The following CNIH3 variants were observed in gnomAD, a reference collection of about 807,000 sequenced individuals.
The protein encoded by CNIH3 is cornichon family AMPA receptor auxiliary protein 3.
CNIH3 carries 14 observed loss-of-function variants against 24.1 expected under a neutral mutation model. That is an observed-to-expected ratio of 0.58 (90% CI 0.38 to 0.91). The LOEUF is 0.91. Among genes scored for constraint, CNIH3 ranks in the 40% least tolerant of loss-of-function variants. CNIH3 has a pLI of 0.00. For synonymous variants in CNIH3, 68 were observed against 73.8 expected (o/e 0.92, Z 0.40); for missense variants, 178 against 196.8 (o/e 0.90, Z 0.57).
intron 3 of CNIH3, among the ~76,000 whole-genome samples, chr1:224,555,837 C>T (rs73133345): frequency 0.06 from 9,107 of 152,208 alleles, 927 homozygotes; most frequent in African/African-American, 0.21. Context: ...TTCCGCACTG[C>T]GGCTGTGGGA....
intron 3 of CNIH3, among the ~76,000 whole-genome samples, chr1:224,609,794 G>A (rs181319403): frequency 6.6e-6 from 1 of 152,264 alleles, no homozygotes; most frequent in African/African-American, 2.4e-5. Context: ...TTTACGCTTT[G>A]ACCATTTCTC....
At chr1:224,674,619 C>T (rs1686045962) in intron 1 of CNIH3, among the ~76,000 whole-genome samples, 1 of 152,018 alleles carries the variant, frequency 6.6e-6, no homozygotes, top group Non-Finnish European at 1.5e-5. Context: ...GTTGGGGGAA[C>T]AGGGAGGGGC....
intron 1 of CNIH3, among the ~76,000 whole-genome samples, chr1:224,499,368 C>T (rs138789149): frequency 0.011 from 1,622 of 152,244 alleles, 15 homozygotes; most frequent in Non-Finnish European, 0.016. Context: ...CTTTCTTACT[C>T]TTCCCCACTC....
At chr1:224,450,274 C>T (rs1015093872) in intron 1 of CNIH3, among the ~76,000 whole-genome samples, 1 of 152,050 alleles carries the variant, frequency 6.6e-6, no homozygotes, top group Non-Finnish European at 1.5e-5. Flanking sequence ...AATAAATAAA[C>T]AGGAAATGCA....
intron 1 of CNIH3, among the ~76,000 whole-genome samples, chr1:224,465,230 C>T (rs1303987023): frequency 1.3e-5 from 2 of 152,190 alleles, no homozygotes; most frequent in Non-Finnish European, 2.9e-5. Flanking sequence ...CTGCCTCAGC[C>T]TCCCAGGTAG....
At chr1:224,701,321 T>A (rs1687477727) in intron 3 of CNIH3, among the ~76,000 whole-genome samples, 1 of 151,956 alleles carries the variant, frequency 6.6e-6, no homozygotes, top group Non-Finnish European at 1.5e-5. Context: ...CACAAATGTA[T>A]CTCTCACAGC....
At chr1:224,446,555 C>T (rs918318000) in intron 1 of CNIH3, among the ~76,000 whole-genome samples, 2 of 152,040 alleles carry the variant, frequency 1.3e-5, no homozygotes, top group Admixed American at 6.6e-5. Context: ...TCATTTTTCT[C>T]TTCCTGTCCT....
At chr1:224,695,949 C>T (rs1687156233) in intron 3 of CNIH3, among the ~76,000 whole-genome samples, 1 of 152,180 alleles carries the variant, frequency 6.6e-6, no homozygotes, top group South Asian at 2.1e-4. Flanking sequence ...CTTCTCCTCT[C>T]ATTAATGTAA....
In CNIH3 at chr1:224,617,120, C is replaced by A; in HGVS notation, c.-55C>A. The A allele has an allele frequency of 6.2e-7, 1 of 1,602,782 alleles. No homozygotes were observed. Reference sequence around the variant, plus strand: ...GAGGGAGTGCGGTCCTCTAGGGAGGCATCGGGCTCCTAGGGGCTTCTTGGC... The same window carrying A: ...GAGGGAGTGCGGTCCTCTAGGGAGGAATCGGGCTCCTAGGGGCTTCTTGGC... On this transcript the variant is annotated 5_prime_UTR_variant, in exon 1 of 6. Coordinates refer to ENST00000272133, the MANE Select transcript of CNIH3 (RefSeq NM_152495.2).
Position 224,604,517 on chromosome 1 carries a change from G to A in CNIH3, n.402+38253G>A, listed in dbSNP as rs1386702879. On this transcript the variant is annotated intron_variant and non_coding_transcript_variant, in intron 3 of 7. Transcript: ENST00000478120. This position sits in a 1 kb window ranked among gnomAD's most constrained non-coding sequence, Gnocchi z 4.4. Reference sequence around the variant, plus strand: ...GAGCCTCTGAAGAAGGGACCCCTACGCCGCTTTGTGCCAGTGACTTGTGGA... The same window carrying A: ...GAGCCTCTGAAGAAGGGACCCCTACACCGCTTTGTGCCAGTGACTTGTGGA... 2.6e-5 allele frequency among the ~76,000 whole-genome samples: 4 copies of A among 152,156 alleles called. No individual in the cohort carries two copies. Among genetic ancestry groups the A allele is most frequent in the South Asian group, 2.1e-4 (1 of 4,828 alleles).
At chr1:224,669,167 A>G (rs932043450) in intron 1 of CNIH3, among the ~76,000 whole-genome samples, 1 of 152,132 alleles carries the variant, frequency 6.6e-6, no homozygotes, top group Non-Finnish European at 1.5e-5. Flanking sequence ...AGCTGGGGCT[A>G]GGTCTGCCTG....
At chr1:224,509,216 G>A (rs914989972) in intron 1 of CNIH3, among the ~76,000 whole-genome samples, 2 of 152,240 alleles carry the variant, frequency 1.3e-5, no homozygotes, top group Non-Finnish European at 2.9e-5. Context: ...CCAGCTACTC[G>A]GGAGGCTGAG....
At chr1:224,539,805 G>T (rs1679442310), downstream of CNIH3, among the ~76,000 whole-genome samples, 1 of 152,034 alleles carries the variant, frequency 6.6e-6, no homozygotes, top group Admixed American at 6.6e-5. Flanking sequence ...TCTGTATTTT[G>T]AACTTTGTCT....
intron 3 of CNIH3, among the ~76,000 whole-genome samples, chr1:224,711,800 A>G (rs1221316841): frequency 6.6e-6 from 1 of 150,706 alleles, no homozygotes; most frequent in African/African-American, 2.4e-5. Flanking sequence ...GTCTCAAAAA[A>G]AAAAAAAAAA....
chr1:224,684,939 C>A lies in CNIH3; in HGVS notation c.198+96C>A. The A allele has an allele frequency of 8.2e-7, 1 of 1,212,492 alleles. No homozygotes were observed. The highest frequency in any genetic ancestry group is 1.2e-6 in the Non-Finnish European group (1 of 814,698). 75.1% of individuals were successfully genotyped at this position (1,212,492 alleles called of 1,614,324 possible). On this transcript the variant is annotated intron_variant, in intron 3 of 5. Transcript: ENST00000272133. The surrounding 1 kb of genome is among the most constrained non-coding windows in gnomAD (Gnocchi z 4.2). ...TAGTGAGGCTCTGCCTGCTCCAGTC[C>A]TGTCCACCAGGGAGGCAAATGGTGG...
Position 224,704,967 on chromosome 1 carries a change from TG to T in CNIH3, c.198+20127del, listed in dbSNP as rs1687700829. Among the ~76,000 whole-genome samples the T allele has an allele frequency of 6.6e-6, 1 of 151,932 alleles. No individual in the cohort carries two copies. Among genetic ancestry groups the T allele is most frequent in the African/African-American group, 2.4e-5 (1 of 41,332 alleles). On this transcript the variant is annotated intron_variant, in intron 3 of 5. Transcript: ENST00000272133. The surrounding 1 kb of genome is among the most constrained non-coding windows in gnomAD (Gnocchi z 4.2). Reference sequence around the variant, plus strand: ...TCTAGTAAAAAATACAAAAATTAGCTGGGCATGGTGGCAGACTACAGTAGGC... The same window carrying T: ...TCTAGTAAAAAATACAAAAATTAGCTGGCATGGTGGCAGACTACAGTAGGC...
intron 3 of CNIH3, among the ~76,000 whole-genome samples, chr1:224,564,215 AGTATCAATAACTGTT>A (rs1177818834): frequency 6.6e-6 from 1 of 152,246 alleles, no homozygotes; most frequent in Admixed American, 6.5e-5. Flanking sequence ...TTCATCACAT[AGTATCAATAACTGTT>A]TATAAATACC....
In CNIH3 at chr1:224,646,429, G is replaced by A. The variant is rs548735035; in HGVS notation, c.81+29174G>A. Among the ~76,000 whole-genome samples the A allele has an allele frequency of 3.1e-3, 465 of 152,216 alleles. 2 individuals are homozygous for A. Among genetic ancestry groups the A allele is most frequent in the African/African-American group, 0.011 (447 of 41,526 alleles). On this transcript the variant is annotated intron_variant, in intron 1 of 5. Coordinates refer to ENST00000272133, the MANE Select transcript of CNIH3 (RefSeq NM_152495.2). The stretch of plus-strand genomic sequence containing the variant: ...TTTGTTTTTGTTTTTGTTTTGAGAC[G>A]GTGTCTCACTCTGTCTTCCAGGCTG...
At chr1:224,605,109 G>T (rs1167380405) in intron 3 of CNIH3, among the ~76,000 whole-genome samples, 1 of 152,184 alleles carries the variant, frequency 6.6e-6, no homozygotes, top group African/African-American at 2.4e-5. Context: ...GGAAAGGGTA[G>T]GTATATGTAA....
Sources: gnomAD v4.1 joint callset for allele counts (sites outside exome capture counted in the v4.1 genomes callset) on GRCh38, gnomAD v4.1.1 for gene constraint, Gnocchi (gnomAD v3.1) non-coding constraint, MANE v1.5 for transcripts, NCBI Gene and HGNC (gene_info 2026-07-23, HGNC 2026-07-21) for gene names.